PCNX1: variants seen among roughly 807,000 people sequenced by gnomAD.
PCNX1 encodes pecanex 1, also known as pecanex-like protein 1.
In PCNX1, 78 loss-of-function variants were observed where a neutral mutation model predicts 242.2. The observed-to-expected ratio is 0.32, with a 90% confidence interval of 0.27 to 0.39. The LOEUF is 0.39. PCNX1 is among the 10% of genes least tolerant of loss of function. The probability of loss-of-function intolerance (pLI) is 1.00; values close to 1 mark genes in which losing one functional copy is unlikely to be tolerated. For missense variants in PCNX1, 2,581 were observed against 2,856.5 expected (o/e 0.90, Z 2.20); for synonymous variants, 1,024 against 1,032.9 (o/e 0.99, Z 0.17).
At chr14:71,026,994 G>GAAA in intron 15 of PCNX1, 112 bp downstream of exon 15, 1 of 450,408 alleles carries the variant, frequency 2.2e-6, no homozygotes, top group Non-Finnish European at 3.9e-6. Context: ...CTTGAAATTA[G>GAAA]AAAAAAAAAA....
At chr14:71,035,432 G>T (rs1221513680) in intron 18 of PCNX1, among the ~76,000 whole-genome samples, 2 of 152,158 alleles carry the variant, frequency 1.3e-5, no homozygotes, top group Non-Finnish European at 2.9e-5. Flanking sequence ...AAGAAAATAA[G>T]ATTTTTTGTG....
chr14:70,952,396 C>G (rs1298172423), intron 2 of PCNX1, among the ~76,000 whole-genome samples: 3 of 152,144 alleles, frequency 2.0e-5, no homozygotes, highest in African/African-American at 7.2e-5. Context: ...TCATGACATT[C>G]CTCTCCCATT....
At position 70,977,201 on chromosome 14, in the gene PCNX1, C is replaced by T. The variant is rs776908486; in HGVS notation, c.864C>T (p.Ser288=). The T allele has an allele frequency of 5.6e-6, 9 of 1,614,130 alleles. No homozygotes were observed. In the African/African-American group the frequency reaches 1.2e-4, roughly 22 times the overall value. The change falls in exon 6 of 36, where the codon AGC becomes AGT. Residue 288 remains serine (S), a synonymous_variant. Coordinates refer to ENST00000304743, the MANE Select transcript of PCNX1 (RefSeq NM_014982.3). Reference sequence around the variant, plus strand: ...CGCGAGGTGTACCACGGACTTCTAGCTCTGCTGTGGCTTTTCCAGACACTT... The same window carrying T: ...CGCGAGGTGTACCACGGACTTCTAGTTCTGCTGTGGCTTTTCCAGACACTT... ...HRPRGVPRTS[S]SAVAFPDTSL... is the part of the protein sequence containing the mutation.
chr14:70,929,453 TTGTG>T (rs545346279), intron 1 of PCNX1, among the ~76,000 whole-genome samples: 14 of 152,332 alleles, frequency 9.2e-5, no homozygotes, highest in African/African-American at 3.1e-4. Context: ...GTTGTTTTTC[TTGTG>T]TGTGTTTGTA....
At chr14:71,054,031 G>A (rs1430975041) in intron 24 of PCNX1, among the ~76,000 whole-genome samples, 2 of 152,142 alleles carry the variant, frequency 1.3e-5, no homozygotes, top group Non-Finnish European at 1.5e-5. Context: ...TGATTTGCCT[G>A]CCTTGGCCTC....
intron 2 of PCNX1, among the ~76,000 whole-genome samples, chr14:70,949,848 A>G (rs2057707380): frequency 6.6e-6 from 1 of 152,216 alleles, no homozygotes; most frequent in Non-Finnish European, 1.5e-5. Context: ...CTCTTGGAAA[A>G]TTTGTGAACA....
chr14:70,965,185 CT>C (rs1276893121), intron 3 of PCNX1, among the ~76,000 whole-genome samples: 1 of 152,088 alleles, frequency 6.6e-6, no homozygotes, highest in African/African-American at 2.4e-5. Flanking sequence ...TCCATTCTTT[CT>C]TTTCATTCCT....
chr14:70,976,095 A>G (rs551957735), intron 5 of PCNX1, among the ~76,000 whole-genome samples: 58 of 152,228 alleles, frequency 3.8e-4, no homozygotes, highest in African/African-American at 1.3e-3. Flanking sequence ...AAATAATCGT[A>G]TTAGCTTTTT....
chr14:70,910,033 CTCCTCCTCCTCCTCCTCCTCCT>C, intron 1 of PCNX1, among the ~76,000 whole-genome samples: 1 of 49,160 alleles, frequency 2.0e-5, no homozygotes, highest in Non-Finnish European at 3.9e-5. Flanking sequence ...CGACTCCTCC[CTCCTCCTCCTCCTCCTCCTCCT>C]CCTCCTCCCC....
At chr14:71,040,740 G>T (rs969327317) in intron 19 of PCNX1, among the ~76,000 whole-genome samples, 2 of 151,752 alleles carry the variant, frequency 1.3e-5, no homozygotes, top group African/African-American at 4.8e-5. Flanking sequence ...ATTGACTATA[G>T]TTACCCTCTT....
chr14:70,929,644 G>A (rs2056716799), intron 1 of PCNX1, among the ~76,000 whole-genome samples: 1 of 152,164 alleles, frequency 6.6e-6, no homozygotes. Flanking sequence ...GTGAAAAAAA[G>A]AAAAGTTGTC....
chr14:71,020,299 G>A (rs947718514), intron 12 of PCNX1, among the ~76,000 whole-genome samples: 3 of 152,192 alleles, frequency 2.0e-5, no homozygotes, highest in African/African-American at 7.2e-5. Flanking sequence ...TATATACCCA[G>A]TAATGGGATT....
At chr14:71,057,058 T>C (rs1050731101) in intron 25 of PCNX1, among the ~76,000 whole-genome samples, 1 of 152,244 alleles carries the variant, frequency 6.6e-6, no homozygotes. Context: ...ATGGCTAATA[T>C]TGACTAACCA....
chr14:71,109,308 A>G (rs557101842), intron 34 of PCNX1, 144 bp from the exon 35 acceptor site: 1 of 806,464 alleles, frequency 1.2e-6, no homozygotes, highest in East Asian at 2.7e-5. Flanking sequence ...AGAATTCAAG[A>G]TGTAGCTCTT....
intron 1 of PCNX1, among the ~76,000 whole-genome samples, chr14:70,940,934 C>T (rs564072933): frequency 6.6e-6 from 1 of 152,304 alleles, no homozygotes; most frequent in South Asian, 2.1e-4. Flanking sequence ...GAAGGTTGTG[C>T]ATGCATCACG....
At chr14:71,065,553 G>T (rs748637920) in intron 26 of PCNX1, among the ~76,000 whole-genome samples, 1 of 151,806 alleles carries the variant, frequency 6.6e-6, no homozygotes, top group Admixed American at 6.6e-5. Flanking sequence ...CAAAAATTTT[G>T]TCTCATTCTG....
At position 70,911,998 on chromosome 14, in the gene PCNX1, C is replaced by T. The variant is rs1472927729; in HGVS notation, c.153+3995C>T. Among the ~76,000 whole-genome samples, 7 of 151,914 alleles carry T rather than the reference C, an allele frequency of 4.6e-5. No individual in the cohort carries two copies. The South Asian group carries it at 1.0e-3, about 23-fold the overall frequency. On this transcript the variant is annotated intron_variant, in intron 1 of 35. Transcript: ENST00000304743. ...CGGTGGCTCACGCACTTTGGGAGGC[C>T]GAGGCAGGCAGATCATCACGAGGTC...
intron 8 of PCNX1, among the ~76,000 whole-genome samples, chr14:71,008,327 T>G (rs1011238297): frequency 6.6e-6 from 1 of 152,072 alleles, no homozygotes; most frequent in Non-Finnish European, 1.5e-5. Flanking sequence ...AAAATCTGAC[T>G]TTTAGCCTTA....
chr14:70,962,983 T>C (rs2058268987), intron 3 of PCNX1, among the ~76,000 whole-genome samples: 1 of 152,236 alleles, frequency 6.6e-6, no homozygotes, highest in Non-Finnish European at 1.5e-5. Context: ...TGGTCTTCTC[T>C]TAGCAGACCT....
Sources: allele counts gnomAD v4.1 joint callset (sites outside exome capture counted in the v4.1 genomes callset), GRCh38; gene constraint gnomAD v4.1.1; transcripts MANE v1.5; gene names NCBI Gene and HGNC (gene_info 2026-07-23, HGNC 2026-07-21).